The following FUT8 variants were observed in gnomAD, a reference collection of about 807,000 sequenced individuals.
FUT8 encodes the protein fucosyltransferase 8, also known as alpha-(1,6)-fucosyltransferase.
FUT8 carries 29 observed loss-of-function variants against 71.3 expected under a neutral mutation model. The observed-to-expected ratio is 0.41, with a 90% confidence interval of 0.30 to 0.55. The LOEUF is 0.55. Among genes scored for constraint, FUT8 ranks in the 20% least tolerant of loss-of-function variants. FUT8 has a pLI of 0.34. For synonymous variants in FUT8, 254 were observed against 239.3 expected (o/e 1.06, Z -0.57); for missense variants, 544 against 702.1 (o/e 0.77, Z 2.55).
chr14:65,439,985 T>TATATATATATATATACATATAC (rs2065626473), intron 1 of FUT8, among the ~76,000 whole-genome samples: 1 of 137,166 alleles, frequency 7.3e-6, no homozygotes, highest in Non-Finnish European at 1.6e-5. Context: ...TATATATATA[T>TATATATATATATATACATATAC]ATATATGTAC....
intron 6 of FUT8, chr14:65,645,981 CA>C (rs1365539857): frequency 6.6e-6 from 1 of 152,170 alleles, no homozygotes; most frequent in Non-Finnish European, 1.5e-5. Flanking sequence ...TGCAGATGGC[CA>C]CTTTATTTGC....
intron 7 of FUT8, among the ~76,000 whole-genome samples, chr14:65,692,086 C>T (rs1893640791): frequency 6.6e-6 from 1 of 152,070 alleles, no homozygotes; most frequent in Admixed American, 6.5e-5. Context: ...CCGCCATTGT[C>T]ATCATGGCCC....
intron 2 of FUT8, among the ~76,000 whole-genome samples, chr14:65,532,348 T>G (rs934922051): frequency 6.6e-6 from 1 of 152,254 alleles, no homozygotes; most frequent in Non-Finnish European, 1.5e-5. Flanking sequence ...ATTGTGGTTT[T>G]GATTTGCATT....
At chr14:65,655,172 A>G (rs1456095808) in intron 6 of FUT8, among the ~76,000 whole-genome samples, 2 of 151,812 alleles carry the variant, frequency 1.3e-5, no homozygotes, top group African/African-American at 4.8e-5. Flanking sequence ...ACAATAATCA[A>G]AAGAAAGATA....
At chr14:65,597,008 C>A (rs1888015948) in intron 3 of FUT8, among the ~76,000 whole-genome samples, 1 of 152,108 alleles carries the variant, frequency 6.6e-6, no homozygotes, top group Admixed American at 6.5e-5. Context: ...CAATAGAACA[C>A]AATAAATAAT....
intron 2 of FUT8, among the ~76,000 whole-genome samples, chr14:65,478,065 C>T (rs991139211): frequency 1.3e-5 from 2 of 152,070 alleles, no homozygotes; most frequent in African/African-American, 4.8e-5. Flanking sequence ...AAGTAAACTC[C>T]ATTATAGTCA....
intron 2 of FUT8, among the ~76,000 whole-genome samples, chr14:65,525,600 C>G (rs1270336464): frequency 2.0e-5 from 3 of 152,164 alleles, no homozygotes; most frequent in Admixed American, 2.0e-4. Flanking sequence ...TTGCCTTCTG[C>G]TAGCTTTTGA....
chr14:65,510,970 T>G (rs547781288), intron 2 of FUT8, among the ~76,000 whole-genome samples: 63 of 152,254 alleles, frequency 4.1e-4, no homozygotes, highest in African/African-American at 1.5e-3. Context: ...CCTCTTGCTT[T>G]TTTAGTCCTT....
rs1340082801 is a variant in FUT8, at chr14:65,638,613, A to T, written c.597+9007A>T. Among the ~76,000 whole-genome samples the T allele has an allele frequency of 3.9e-5, 6 of 152,126 alleles. No homozygotes were observed. Among genetic ancestry groups the T allele is most frequent in the South Asian group, 2.1e-4 (1 of 4,826 alleles). On this transcript the variant is annotated intron_variant, in intron 6 of 10. Coordinates refer to ENST00000673929, the MANE Select transcript of FUT8 (RefSeq NM_001371533.1). This position sits in a 1 kb window ranked among gnomAD's most constrained non-coding sequence, Gnocchi z 4.5. Reference sequence around the variant, plus strand: ...AATAAGGGGAATGTTAATGCTGGGGATACATTATTGAGGCTATTAAACATA... The same window carrying T: ...AATAAGGGGAATGTTAATGCTGGGGTTACATTATTGAGGCTATTAAACATA...
chr14:65,526,521 A>G lies in FUT8; in HGVS notation c.-227-34816A>G, dbSNP rs142728321. On this transcript the variant is annotated intron_variant, in intron 2 of 10. Coordinates refer to ENST00000673929, the MANE Select transcript of FUT8 (RefSeq NM_001371533.1). ...TGGGTCTTGACTCTTTATCCAATTT[A>G]CCAGTCTGTGTCTTTTAATTGGAGC... Among the ~76,000 whole-genome samples the G allele has an allele frequency of 7.5e-3, 1,137 of 152,138 alleles. 36 individuals carry two copies. In the East Asian group the frequency reaches 0.092, roughly 12 times the overall value.
Position 65,629,585 on chromosome 14 carries a change from G to A in FUT8, c.576G>A (p.Gln192=). 6.2e-7 allele frequency: 1 copy of A among 1,613,118 alleles called. No individual in the cohort carries two copies. The highest frequency in any genetic ancestry group is 8.5e-7 in the Non-Finnish European group (1 of 1,179,102). ...CCAAAGATCTGACAGAACTGGTTCAGCGGAGAATAACATATCTTCAGGTAA... is the reference window on the plus strand; with the variant it reads ...CCAAAGATCTGACAGAACTGGTTCAACGGAGAATAACATATCTTCAGGTAA... The part of the protein sequence containing the change: ...KEAKDLTELV[Q]RRITYLQNPK... The change falls in exon 6 of 11, where the codon CAG becomes CAA. Residue 192 remains glutamine (Q), a synonymous_variant. Transcript: ENST00000673929.
intron 2 of FUT8, among the ~76,000 whole-genome samples, chr14:65,474,791 T>G (rs1302407595): frequency 6.6e-6 from 1 of 152,182 alleles, no homozygotes; most frequent in Non-Finnish European, 1.5e-5. Flanking sequence ...ACAGTTCATT[T>G]TATTGTAAAA....
intron 2 of FUT8, among the ~76,000 whole-genome samples, chr14:65,478,655 A>G (rs1485114627): frequency 6.6e-6 from 1 of 152,194 alleles, no homozygotes; most frequent in Non-Finnish European, 1.5e-5. Flanking sequence ...TGTCTAAGCA[A>G]ACCAAAGCCC....
chr14:65,468,351 G>A (rs1335512432), intron 2 of FUT8: 5 of 560,196 alleles, frequency 8.9e-6, no homozygotes, highest in Middle Eastern at 3.8e-4. Flanking sequence ...TCCTTTTGGC[G>A]AATTACTGGA....
At chr14:65,575,382 A>T (rs1012786329) in intron 3 of FUT8, among the ~76,000 whole-genome samples, 2 of 152,066 alleles carry the variant, frequency 1.3e-5, no homozygotes, top group African/African-American at 4.8e-5. Flanking sequence ...CTGTAATTAT[A>T]TGTATACAGT....
Position 65,669,127 on chromosome 14 carries a change from A to G in FUT8, c.598-116A>G, listed in dbSNP as rs1216804931. 5.6e-6 allele frequency: 4 copies of G among 714,484 alleles called. No individual in the cohort carries two copies. Among genetic ancestry groups the G allele is most frequent in the Admixed American group, 5.6e-5 (2 of 35,842 alleles). 44.3% of individuals were successfully genotyped at this position (714,484 alleles called of 1,614,324 possible). A position where few individuals can be genotyped will look rare whatever the true frequency, so the allele number is the denominator to read the frequency against. On this transcript the variant is annotated intron_variant, in intron 6 of 10. Coordinates refer to ENST00000673929, the MANE Select transcript of FUT8 (RefSeq NM_001371533.1). This position sits in a 1 kb window ranked among gnomAD's most constrained non-coding sequence, Gnocchi z 4.5. ...TACCAAACCCCACGACACACAATTT[A>G]TCTATAGAACAAACCTGCATGTGTA...
At chr14:65,647,411 A>G (rs1395186784) in intron 6 of FUT8, among the ~76,000 whole-genome samples, 1 of 152,200 alleles carries the variant, frequency 6.6e-6, no homozygotes, top group Non-Finnish European at 1.5e-5. Flanking sequence ...AGGAGAGTAA[A>G]TTGAGACTTA....
chr14:65,545,317 A>G (rs1884925696), intron 2 of FUT8, among the ~76,000 whole-genome samples: 1 of 152,054 alleles, frequency 6.6e-6, no homozygotes, highest in Non-Finnish European at 1.5e-5. Context: ...TCTTGGGCAC[A>G]TATTAATCCT....
intron 7 of FUT8, among the ~76,000 whole-genome samples, chr14:65,691,102 T>G (rs1027883290): frequency 1.3e-5 from 2 of 151,188 alleles, no homozygotes; most frequent in African/African-American, 4.9e-5. Context: ...AGGGGTTTTT[T>G]GCTGGTTTTT....
Sources: allele counts gnomAD v4.1 joint callset (sites outside exome capture counted in the v4.1 genomes callset), GRCh38; gene constraint gnomAD v4.1.1; non-coding constraint Gnocchi (gnomAD v3.1); transcripts MANE v1.5; gene names NCBI Gene and HGNC (gene_info 2026-07-23, HGNC 2026-07-21).